Variants in ALOX5 observed in about 807,000 individuals in gnomAD.
ALOX5 encodes arachidonate 5-lipoxygenase, also known as polyunsaturated fatty acid 5-lipoxygenase.
In ALOX5, 64 loss-of-function variants were observed where a neutral mutation model predicts 87.9. The ratio of observed to expected loss-of-function variants is 0.73; its 90% CI spans 0.60 to 0.90. The LOEUF is 0.90. Ranked by LOEUF, ALOX5 falls within the 40% of genes least tolerant of loss-of-function variation. The probability of loss-of-function intolerance (pLI) is 0.00; values close to 1 mark genes in which losing one functional copy is unlikely to be tolerated. For synonymous variants in ALOX5, 388 were observed against 355.1 expected, an observed-to-expected ratio of 1.09 and a Z score of -1.04; for missense variants, 822 against 907.5, an observed-to-expected ratio of 0.91 and a Z score of 1.21.
At chr10:45,419,205 C>A (rs1366804133) in intron 4 of ALOX5, among the ~76,000 whole-genome samples, 2 of 152,232 alleles carry the variant, frequency 1.3e-5, no homozygotes, top group East Asian at 1.9e-4. Flanking sequence ...GCCGCCTTTG[C>A]GGTCAGGTGA....
Position 45,443,021 on chromosome 10 carries a change from T to A in ALOX5, c.1273-17T>A, listed in dbSNP as rs1445080389. 2 of 1,606,574 alleles carry A rather than the reference T, an allele frequency of 1.2e-6. No individual in the cohort carries two copies. The highest frequency in any genetic ancestry group is 2.7e-5 in the African/African-American group (2 of 74,826). ...GGGAGGAGCCACCCGCTCAGGGCAC[T>A]CTACCTCCCACTCCAGGCCAACGCC... On this transcript the variant is annotated splice_polypyrimidine_tract_variant and intron_variant, in intron 9 of 13. Transcript: ENST00000374391.
chr10:45,406,295 C>G (rs1200468725), intron 3 of ALOX5, among the ~76,000 whole-genome samples: 3 of 152,170 alleles, frequency 2.0e-5, no homozygotes, highest in Non-Finnish European at 4.4e-5. Context: ...TACATAGTCT[C>G]TGGGTCTGTT....
chr10:45,424,574 C>T (rs1434468708), intron 5 of ALOX5, among the ~76,000 whole-genome samples: 1 of 152,178 alleles, frequency 6.6e-6, no homozygotes, highest in South Asian at 2.1e-4. Flanking sequence ...CCAGTCATGG[C>T]ATGGGAAGGA....
chr10:45,389,303 G>A (rs1354437190), intron 2 of ALOX5, among the ~76,000 whole-genome samples: 1 of 152,198 alleles, frequency 6.6e-6, no homozygotes, highest in Non-Finnish European at 1.5e-5. Context: ...GCTCACCCTA[G>A]CAAGGCAGGC....
At chr10:45,437,508 A>C (rs1269533757) in intron 7 of ALOX5, among the ~76,000 whole-genome samples, 1 of 152,144 alleles carries the variant, frequency 6.6e-6, no homozygotes. Context: ...TTGTGCTAAT[A>C]ACTTTTTGTT....
chr10:45,393,312 T>A (rs1840364940), intron 2 of ALOX5, among the ~76,000 whole-genome samples: 1 of 152,148 alleles, frequency 6.6e-6, no homozygotes, highest in Admixed American at 6.5e-5. Flanking sequence ...CACAAATCAA[T>A]AAATGTAATC....
At chr10:45,395,827 C>T in intron 2 of ALOX5, 28 bp from the exon 3 acceptor site, 1 of 1,603,496 alleles carries the variant, frequency 6.2e-7, no homozygotes, top group Non-Finnish European at 8.5e-7. Flanking sequence ...CTTCCTCAGG[C>T]TCCTCTCATG....
At chr10:45,386,255 C>A (rs1229412252) in intron 2 of ALOX5, among the ~76,000 whole-genome samples, 1 of 150,764 alleles carries the variant, frequency 6.6e-6, no homozygotes, top group Non-Finnish European at 1.5e-5. Flanking sequence ...GAGCTGAGAT[C>A]ATGCCACTGT....
At chr10:45,415,057 C>G (rs1333946147) in intron 4 of ALOX5, among the ~76,000 whole-genome samples, 1 of 152,182 alleles carries the variant, frequency 6.6e-6, no homozygotes, top group Non-Finnish European at 1.5e-5. Flanking sequence ...ACTAGAAATA[C>G]CATTTGACCC....
At chr10:45,385,561 AC>A (rs1436795637) in intron 2 of ALOX5, among the ~76,000 whole-genome samples, 1 of 152,192 alleles carries the variant, frequency 6.6e-6, no homozygotes, top group Non-Finnish European at 1.5e-5. Context: ...ACTTATTCAT[AC>A]CAGTGAAACT....
chr10:45,440,948 TC>T (rs1842216642), intron 8 of ALOX5, among the ~76,000 whole-genome samples: 2 of 152,178 alleles, frequency 1.3e-5, no homozygotes, highest in South Asian at 4.1e-4. Flanking sequence ...TCACTCTCCG[TC>T]CCTGTTCTCG....
intron 2 of ALOX5, among the ~76,000 whole-genome samples, chr10:45,388,919 A>G (rs1216756948): frequency 6.6e-6 from 1 of 151,828 alleles, no homozygotes; most frequent in Non-Finnish European, 1.5e-5. Flanking sequence ...GTTGGAACCC[A>G]TCGCAAAAAA....
intron 4 of ALOX5, among the ~76,000 whole-genome samples, chr10:45,422,030 C>T (rs759812771): frequency 6.6e-6 from 1 of 152,114 alleles, no homozygotes; most frequent in Non-Finnish European, 1.5e-5. Context: ...CCCAGGGTAG[C>T]CAGGACAAAG....
At chr10:45,426,346 T>TA (rs1354143608) in intron 6 of ALOX5, among the ~76,000 whole-genome samples, 1 of 152,204 alleles carries the variant, frequency 6.6e-6, no homozygotes, top group Non-Finnish European at 1.5e-5. Flanking sequence ...GCACGTGGGT[T>TA]ATGAGTCACC....
chr10:45,396,019 A>G (rs1840489271), intron 3 of ALOX5, 83 bp downstream of exon 3: 2 of 1,412,094 alleles, frequency 1.4e-6, no homozygotes, highest in African/African-American at 1.4e-5. Flanking sequence ...AACCCTTTCC[A>G]CAGTGTATGG....
intron 1 of ALOX5, among the ~76,000 whole-genome samples, chr10:45,375,604 C>T (rs1356060586): frequency 6.6e-6 from 1 of 152,222 alleles, no homozygotes; most frequent in Non-Finnish European, 1.5e-5. Flanking sequence ...CAACTGATTA[C>T]TCTTGGATAA....
At chr10:45,419,250 C>T (rs534970206) in intron 4 of ALOX5, among the ~76,000 whole-genome samples, 1 of 152,304 alleles carries the variant, frequency 6.6e-6, no homozygotes, top group African/African-American at 2.4e-5. Flanking sequence ...CGAGCGCAGG[C>T]GGGCGGAGAG....
Position 45,428,478 on chromosome 10 carries a change from A to C in ALOX5, c.835-140A>C, listed in dbSNP as rs1841805630. ...GTGAATCAATCAGCCTTGGAGTCAGAGGAGAGAAGTACACATTCTGAGCTC... is the reference window on the plus strand; with the variant it reads ...GTGAATCAATCAGCCTTGGAGTCAGCGGAGAGAAGTACACATTCTGAGCTC... On this transcript the variant is annotated intron_variant, in intron 6 of 13. Transcript: ENST00000374391. 6.6e-6 allele frequency: 7 copies of C among 1,063,444 alleles called. No homozygotes were observed. The East Asian group carries it at 1.7e-4, about 27-fold the overall frequency. The allele number at this position is 1,063,444 out of a possible 1,614,324, so 65.9% of individuals were successfully genotyped here.
intron 3 of ALOX5, 69 bp downstream of exon 3, chr10:45,396,005 A>G (rs904306956): frequency 2.0e-6 from 3 of 1,510,196 alleles, no homozygotes; most frequent in African/African-American, 2.8e-5. Context: ...CATGGTATGA[A>G]ATAAACCCTT....
Sources: gnomAD v4.1 joint callset for allele counts (sites outside exome capture counted in the v4.1 genomes callset) on GRCh38, gnomAD v4.1.1 for gene constraint, MANE v1.5 for transcripts, NCBI Gene and HGNC (gene_info 2026-07-23, HGNC 2026-07-21) for gene names.